ASCC3: variants seen among roughly 807,000 people sequenced by gnomAD.
The protein encoded by ASCC3 is activating signal cointegrator 1 complex subunit 3, also known as ASC-1 complex subunit P200.
ASCC3 carries 158 observed loss-of-function variants against 256.3 expected under a neutral mutation model. That is an observed-to-expected ratio of 0.62 (90% CI 0.54 to 0.70). The LOEUF (loss-of-function observed/expected upper bound fraction) is 0.70, where lower values mean the gene tolerates loss of function less well. ASCC3 is among the 30% of genes least tolerant of loss of function. The pLI is 0.00. For synonymous variants in ASCC3, 948 were observed against 883.4 expected (o/e 1.07, Z -1.30); for missense variants, 2,259 against 2,626.0 (o/e 0.86, Z 3.05).
intron 5 of ASCC3, among the ~76,000 whole-genome samples, chr6:100,801,739 C>T (rs1403028956): frequency 1.3e-5 from 2 of 151,424 alleles, no homozygotes; most frequent in Admixed American, 1.3e-4. Context: ...GTCTTACATA[C>T]CTACTATAAT....
intron 10 of ASCC3, among the ~76,000 whole-genome samples, chr6:100,727,470 T>TC (rs1562254373): frequency 2.6e-5 from 4 of 151,866 alleles, no homozygotes. Context: ...TGGTTCTTTT[T>TC]TCCCCCACAA....
At chr6:100,625,049 T>C (rs1252926231) in intron 30 of ASCC3, 143 bp downstream of exon 30, 2 of 951,690 alleles carry the variant, frequency 2.1e-6, no homozygotes, top group African/African-American at 3.3e-5. Context: ...TAGAACAAAC[T>C]ATAACAGAAT....
chr6:100,772,134 G>C (rs1781966352), intron 8 of ASCC3, among the ~76,000 whole-genome samples: 1 of 152,052 alleles, frequency 6.6e-6, no homozygotes, highest in African/African-American at 2.4e-5. Context: ...ACCCGCCTCA[G>C]CCTCCCAAAG....
intron 10 of ASCC3, among the ~76,000 whole-genome samples, chr6:100,731,811 A>G (rs556031410): frequency 3.9e-5 from 6 of 152,348 alleles, no homozygotes; most frequent in African/African-American, 1.4e-4. Flanking sequence ...CTTACCTGCT[A>G]CATTTGTAAA....
intron 13 of ASCC3, among the ~76,000 whole-genome samples, chr6:100,710,856 C>T (rs373838546): frequency 1.2e-4 from 18 of 151,974 alleles, no homozygotes; most frequent in East Asian, 3.9e-4. Context: ...ATAACAAATA[C>T]GTTTCAATAA....
At position 100,605,636 on chromosome 6, in the gene ASCC3, A is replaced by G; in HGVS notation, c.5109T>C (p.Ile1703=). The stretch of plus-strand genomic sequence containing the variant: ...AGTCTTTCTTTATGTCATGAACTAG[A>G]ATTACAGCTTTGCCTTGGTCATCGA... ...PQFDDQGKAV[I]LVHDIKKDFY... The change falls in exon 33 of 42, where the codon ATT becomes ATC. Residue 1703 remains isoleucine (I), a synonymous_variant. Coordinates refer to ENST00000369162, the MANE Select transcript of ASCC3 (RefSeq NM_006828.4). 1 of 1,606,694 alleles carries G rather than the reference A, an allele frequency of 6.2e-7. No individual in the cohort carries two copies. The highest frequency in any genetic ancestry group is 8.5e-7 in the Non-Finnish European group (1 of 1,173,422).
chr6:100,693,289 T>C (rs1388582816), intron 13 of ASCC3, among the ~76,000 whole-genome samples: 2 of 151,860 alleles, frequency 1.3e-5, no homozygotes, highest in African/African-American at 2.4e-5. Context: ...GTCTGTATAG[T>C]GAAGGTAGTA....
chr6:100,778,960 G>C (rs958943658), intron 8 of ASCC3, among the ~76,000 whole-genome samples: 1 of 151,976 alleles, frequency 6.6e-6, no homozygotes, highest in Non-Finnish European at 1.5e-5. Flanking sequence ...TTGGGCAAAA[G>C]AATCATACAC....
chr6:100,571,865 G>A (rs575540255), intron 36 of ASCC3, among the ~76,000 whole-genome samples: 3 of 152,174 alleles, frequency 2.0e-5, no homozygotes, highest in African/African-American at 7.2e-5. Context: ...TTGTAACTTC[G>A]TGGAATATGG....
intron 8 of ASCC3, among the ~76,000 whole-genome samples, chr6:100,772,226 A>G (rs1781972469): frequency 2.0e-5 from 3 of 152,214 alleles, no homozygotes; most frequent in Admixed American, 2.0e-4. Context: ...CACCTAAACT[A>G]AATGTACAAT....
At chr6:100,708,590 T>C (rs941666318) in intron 13 of ASCC3, among the ~76,000 whole-genome samples, 1 of 151,974 alleles carries the variant, frequency 6.6e-6, no homozygotes, top group Admixed American at 6.6e-5. Context: ...GTTGTGATAT[T>C]TGGAGCGGGG....
chr6:100,723,327 T>C (rs1779434639), intron 11 of ASCC3, among the ~76,000 whole-genome samples: 1 of 151,772 alleles, frequency 6.6e-6, no homozygotes, highest in African/African-American at 2.4e-5. Flanking sequence ...GATCAGAATT[T>C]TAAAATATTT....
intron 4 of ASCC3, among the ~76,000 whole-genome samples, chr6:100,834,310 T>C (rs765826113): frequency 6.6e-6 from 1 of 152,218 alleles, no homozygotes; most frequent in Non-Finnish European, 1.5e-5. Flanking sequence ...TTACTATTGA[T>C]AGCATAAGGA....
rs961539870 is a variant in ASCC3, at chr6:100,614,454, C to T, written c.4786-7366G>A. On this transcript the variant is annotated intron_variant, in intron 30 of 41. Coordinates refer to ENST00000369162, the MANE Select transcript of ASCC3 (RefSeq NM_006828.4). ...ATTTATTAAACATTTAACTATGTTT[C>T]GGTATCTTAAACGTATTAACACATG... Among the ~76,000 whole-genome samples the T allele has an allele frequency of 6.6e-5, 10 of 152,262 alleles. No homozygotes were observed. In the East Asian group the frequency reaches 1.3e-3, roughly 21 times the overall value.
chr6:100,811,661 C>T (rs1770475489), intron 4 of ASCC3, among the ~76,000 whole-genome samples: 2 of 152,024 alleles, frequency 1.3e-5, no homozygotes, highest in South Asian at 4.2e-4. Context: ...TTCTGTTAAC[C>T]TTTCATATTG....
intron 36 of ASCC3, among the ~76,000 whole-genome samples, chr6:100,571,352 T>A (rs899762127): frequency 6.6e-6 from 1 of 152,192 alleles, no homozygotes; most frequent in African/African-American, 2.4e-5. Flanking sequence ...ACTATCCTAT[T>A]AATAACAGCG....
intron 10 of ASCC3, among the ~76,000 whole-genome samples, chr6:100,756,853 T>A (rs9390674): frequency 0.96 from 145,758 of 151,862 alleles, 70,099 homozygotes; most frequent in East Asian, 1. Flanking sequence ...AAATATAAAA[T>A]TTTTTTTTAA....
At chr6:100,603,948 A>G (rs1772754621) in intron 33 of ASCC3, among the ~76,000 whole-genome samples, 1 of 152,036 alleles carries the variant, frequency 6.6e-6, no homozygotes, top group African/African-American at 2.4e-5. Flanking sequence ...GTGTCATAAA[A>G]CAAGCTGGCA....
At chr6:100,515,177 CT>C (rs1361359006) in intron 39 of ASCC3, among the ~76,000 whole-genome samples, 1 of 152,152 alleles carries the variant, frequency 6.6e-6, no homozygotes, top group African/African-American at 2.4e-5. Context: ...TGTTGGAAAT[CT>C]GTTGTTGCTA....
Sources: allele counts gnomAD v4.1 joint callset (sites outside exome capture counted in the v4.1 genomes callset), GRCh38; gene constraint gnomAD v4.1.1; transcripts MANE v1.5; gene names NCBI Gene and HGNC (gene_info 2026-07-23, HGNC 2026-07-21).